Variants in CELF1 observed in about 807,000 individuals in gnomAD.
CELF1 encodes the protein 50 kDa nuclear polyadenylated RNA-binding protein.
A neutral mutation model predicts 61.8 loss-of-function variants in CELF1; 10 were observed. The ratio of observed to expected loss-of-function variants is 0.16; its 90% CI spans 0.10 to 0.27. CELF1 has a LOEUF of 0.27. Among genes scored for constraint, CELF1 ranks in the 10% least tolerant of loss-of-function variants. CELF1 has a pLI of 1.00. For synonymous variants in CELF1, 236 were observed against 225.1 expected, an observed-to-expected ratio of 1.05 and a Z score of -0.43; for missense variants, 380 against 639.1, an observed-to-expected ratio of 0.59 and a Z score of 4.37.
chr11:47,547,735 A>AC (rs1274158029), intron 1 of CELF1, among the ~76,000 whole-genome samples: 1 of 151,848 alleles, frequency 6.6e-6, no homozygotes, highest in Non-Finnish European at 1.5e-5. Context: ...TGATGCAGGG[A>AC]CCCTGAAAAC....
chr11:47,507,553 G>A (rs920956240), intron 1 of CELF1, among the ~76,000 whole-genome samples: 15 of 151,856 alleles, frequency 9.9e-5, no homozygotes, highest in African/African-American at 1.7e-4. Context: ...TAAGCATATC[G>A]AACAATCTTG....
intron 1 of CELF1, among the ~76,000 whole-genome samples, chr11:47,521,799 G>A (rs2095908521): frequency 6.6e-6 from 1 of 152,212 alleles, no homozygotes; most frequent in Middle Eastern, 3.4e-3. Flanking sequence ...CTGATCTTAA[G>A]ATGTACTGTA....
intron 9 of CELF1, among the ~76,000 whole-genome samples, chr11:47,481,878 T>C (rs1054799031): frequency 6.6e-6 from 1 of 152,208 alleles, no homozygotes; most frequent in Non-Finnish European, 1.5e-5. Context: ...AATATACACC[T>C]GTAATGCTCA....
Position 47,553,078 on chromosome 11 carries a change from C to T in CELF1, c.-240G>A. On this transcript the variant is annotated 5_prime_UTR_variant, in exon 1 of 15. Transcript: ENST00000687097. ...CGCCGCCTCGCTGCTGAGGCCGAAT[C>T]CCGGGGGAGCCTCCGCGTCCCGCCG... 1 of 400,034 alleles carries T rather than the reference C, an allele frequency of 2.5e-6. No homozygotes were observed. Among genetic ancestry groups the T allele is most frequent in the Non-Finnish European group, 4.4e-6 (1 of 227,382 alleles). 24.8% of individuals were successfully genotyped at this position (400,034 alleles called of 1,614,324 possible). A position where few individuals can be genotyped will look rare whatever the true frequency, so the allele number is the denominator to read the frequency against.
chr11:47,552,582 G>A (rs1340720629), intron 1 of CELF1, among the ~76,000 whole-genome samples: 2 of 152,238 alleles, frequency 1.3e-5, no homozygotes, highest in African/African-American at 4.8e-5. Flanking sequence ...GAACACGTGA[G>A]ACGACAGGGG....
intron 1 of CELF1, among the ~76,000 whole-genome samples, chr11:47,540,670 G>A (rs896408167): frequency 1.3e-5 from 2 of 152,074 alleles, no homozygotes; most frequent in African/African-American, 4.8e-5. Flanking sequence ...TGGATCACGA[G>A]GTCAGGAGTT....
intron 1 of CELF1, among the ~76,000 whole-genome samples, chr11:47,507,455 CT>C (rs771049387): frequency 6.6e-6 from 1 of 150,420 alleles, no homozygotes; most frequent in Non-Finnish European, 1.5e-5. Context: ...CGGTGAACCA[CT>C]GAAACAAAAA....
intron 1 of CELF1, among the ~76,000 whole-genome samples, chr11:47,552,296 A>T (rs1008006264): frequency 6.6e-6 from 1 of 152,220 alleles, no homozygotes; most frequent in Non-Finnish European, 1.5e-5. Context: ...AATTACAACA[A>T]CATCCTACCC....
intron 9 of CELF1, among the ~76,000 whole-genome samples, chr11:47,481,821 CAG>C (rs952147302): frequency 1.7e-4 from 26 of 152,204 alleles, no homozygotes; most frequent in African/African-American, 5.8e-4. Context: ...CTCACGACAA[CAG>C]AGAGATCAAA....
At chr11:47,558,525 A>ATATTTATATATTTATAT (rs2097213022) in intron 2 of CELF1, among the ~76,000 whole-genome samples, 2 of 122,418 alleles carry the variant, frequency 1.6e-5, no homozygotes, top group Non-Finnish European at 3.2e-5. Flanking sequence ...ATATATGTAT[A>ATATTTATATATTTATAT]TGTATATATT....
intron 1 of CELF1, among the ~76,000 whole-genome samples, chr11:47,516,164 C>T (rs1270737598): frequency 1.3e-5 from 2 of 150,598 alleles, no homozygotes; most frequent in Admixed American, 6.6e-5. Flanking sequence ...TGCACTCCAG[C>T]CTGGGTGACA....
At chr11:47,534,891 G>A (rs2096589787) in intron 1 of CELF1, among the ~76,000 whole-genome samples, 1 of 152,102 alleles carries the variant, frequency 6.6e-6, no homozygotes, top group Non-Finnish European at 1.5e-5. Context: ...GTTCCCTGGA[G>A]ACCCATTCTG....
At chr11:47,557,302 TC>T (rs1315122129), upstream of CELF1, among the ~76,000 whole-genome samples, 3 of 149,330 alleles carry the variant, frequency 2.0e-5, no homozygotes, top group Admixed American at 6.7e-5. Flanking sequence ...CACTGCAACC[TC>T]CCCCTCCCGG....
intron 3 of CELF1, among the ~76,000 whole-genome samples, chr11:47,494,796 C>A (rs1054752538): frequency 2.6e-5 from 4 of 152,250 alleles, no homozygotes; most frequent in Non-Finnish European, 5.9e-5. Context: ...CTGAGCAATA[C>A]GATGATAGCC....
chr11:47,525,238 T>C (rs2096176034), intron 1 of CELF1, among the ~76,000 whole-genome samples: 1 of 152,232 alleles, frequency 6.6e-6, no homozygotes, highest in South Asian at 2.1e-4. Flanking sequence ...AACTCTAATA[T>C]AATTTTTAAA....
intron 1 of CELF1, among the ~76,000 whole-genome samples, chr11:47,514,185 A>C (rs958106525): frequency 6.6e-5 from 10 of 152,134 alleles, no homozygotes; most frequent in African/African-American, 2.4e-4. Context: ...TTGGCCTCCC[A>C]AAGTACTGGG....
At position 47,484,376 on chromosome 11, in the gene CELF1, T is replaced by TA; in HGVS notation, c.526+12dup. 6.3e-7 allele frequency: 1 copy of TA among 1,598,532 alleles called. No individual in the cohort carries two copies. Among genetic ancestry groups the TA allele is most frequent in the South Asian group, 1.1e-5 (1 of 88,042 alleles). On this transcript the variant is annotated intron_variant, in intron 7 of 14. Coordinates refer to ENST00000687097, the MANE Select transcript of CELF1 (RefSeq NM_001376376.1). ...AAAAACCAAAAGATTATTTAAAAGC[T>TA]AAAACTACCTACCTCGGCTCAGGCC...
At chr11:47,484,630 AT>A in intron 6 of CELF1, 107 bp from the exon 7 acceptor site, 1 of 840,570 alleles carries the variant, frequency 1.2e-6, no homozygotes, top group Non-Finnish European at 1.9e-6. Context: ...TCTGTACCAT[AT>A]TTTACAGATT....
At chr11:47,475,237 C>G in intron 13 of CELF1, 99 bp downstream of exon 13, 1 of 1,083,554 alleles carries the variant, frequency 9.2e-7, no homozygotes, top group Non-Finnish European at 1.4e-6. Flanking sequence ...AATGGTCTGA[C>G]GACCTAACTG....
Sources: allele counts gnomAD v4.1 joint callset (sites outside exome capture counted in the v4.1 genomes callset), GRCh38; gene constraint gnomAD v4.1.1; transcripts MANE v1.5; gene names NCBI Gene and HGNC (gene_info 2026-07-23, HGNC 2026-07-21).